The following PBXIP1 variants were observed in gnomAD, a reference collection of about 807,000 sequenced individuals.
PBXIP1 encodes the protein pre-B-cell leukemia transcription factor-interacting protein 1.
A neutral mutation model predicts 73.7 loss-of-function variants in PBXIP1; 73 were observed. The observed-to-expected ratio is 0.99, with a 90% CI of 0.82 to 1.20. The LOEUF (loss-of-function observed/expected upper bound fraction) is 1.20. Among genes scored for constraint, PBXIP1 ranks in the 50% most tolerant of loss-of-function variants. The pLI, the probability that PBXIP1 is intolerant of heterozygous loss-of-function variation, is 0.00. For missense variants in PBXIP1, 818 were observed against 911.4 expected, an observed-to-expected ratio of 0.90 and a Z score of 1.32; for synonymous variants, 330 against 366.9, an observed-to-expected ratio of 0.90 and a Z score of 1.15.
rs143183944 is a variant in PBXIP1, at chr1:154,948,279, T to G, written c.497A>C (p.Glu166Ala). 573 of 1,609,454 alleles carry G rather than the reference T, an allele frequency of 3.6e-4. 4 individuals are homozygous for G. The highest frequency in any genetic ancestry group is 1.1e-3 in the African/African-American group (80 of 74,960). The change falls in exon 6 of 11, where the codon GAG (glutamate) becomes GCG (alanine). Residue 166 changes from glutamate (E) to alanine (A), a missense_variant. By Grantham distance (107) the Glu-to-Ala change is moderately radical. Transcript: ENST00000368463. ...CACCATGGGCTGAGGTGGGCCGGCC[T>G]CCCGGCCCCGCCGTCTCCGCAGACC... ...MEGLRRRRGREAGPPQPMVPL... is the reference protein window; with the variant it reads ...MEGLRRRRGRAAGPPQPMVPL...
rs1432138544 is a variant in PBXIP1 at position 154,946,003 on chromosome 1, T to A, written c.1671A>T (p.Gln557His). Residue 557 changes from glutamine to histidine, a missense_variant, in exon 10 of 11, where the codon CAA becomes CAT. Transcript: ENST00000368463. ...SFHSSGEKQK[Q>H]PRWREGTKDS... ...CCTTAGTCCCTTCCCTCCACCGAGG[T>A]TGCTTCTGCTTTTCTCCAGAGGAGT... 1.2e-6 allele frequency: 2 copies of A among 1,613,964 alleles called. No homozygotes were observed. Among genetic ancestry groups the A allele is most frequent in the Admixed American group, 1.7e-5 (1 of 59,994 alleles).
Position 154,946,043 on chromosome 1 carries a change from T to C in PBXIP1, c.1631A>G (p.Lys544Arg). ...KRQGPKEPPR[K>R]SGSFHSSGEK... is the part of the protein sequence containing the mutation. ...TCCAGAGGAGTGGAAGCTACCACTTTTCCTTGGGGGTTCCTTCGGGCCCTG... is the reference window on the plus strand; with the variant it reads ...TCCAGAGGAGTGGAAGCTACCACTTCTCCTTGGGGGTTCCTTCGGGCCCTG... The change falls in exon 10 of 11, where the codon AAA becomes AGA. Residue 544 changes from lysine (K) to arginine (R), a missense_variant. By Grantham distance (26) the Lys-to-Arg change is conservative. Coordinates refer to ENST00000368463, the MANE Select transcript of PBXIP1 (RefSeq NM_020524.4). 1.2e-6 allele frequency: 2 copies of C among 1,614,158 alleles called. No homozygotes were observed. The highest frequency in any genetic ancestry group is 1.7e-6 in the Non-Finnish European group (2 of 1,180,014).
chr1:154,952,172 G>A (rs1012995193), intron 2 of PBXIP1, among the ~76,000 whole-genome samples: 1 of 152,136 alleles, frequency 6.6e-6, no homozygotes, highest in Non-Finnish European at 1.5e-5. Context: ...TCCAGAAGGT[G>A]AGCTAGAGCC....
In PBXIP1 at chr1:154,951,895, C is replaced by CG; in HGVS notation, c.77dup (p.Ala27GlyfsTer9). Reference sequence around the variant, plus strand: ...CAGATTCTGGGTCCATCCTGGATGCCGGGCCCAGTGTCTCCACTGGCAGGC... The same window carrying CG: ...CAGATTCTGGGTCCATCCTGGATGCCGGGGCCCAGTGTCTCCACTGGCAGGC... On this transcript the variant is annotated frameshift_variant, in exon 3 of 11. Transcript: ENST00000368463. LOFTEE classifies it high-confidence loss of function. The surrounding 1 kb of genome is among the most constrained non-coding windows in gnomAD (Gnocchi z 4.3). The CG allele has an allele frequency of 6.2e-7, 1 of 1,612,364 alleles. No individual in the cohort carries two copies. The highest frequency in any genetic ancestry group is 8.5e-7 in the Non-Finnish European group (1 of 1,179,532).
In PBXIP1 at chr1:154,951,701, G is replaced by A. The variant is rs1167835652; in HGVS notation, c.178+94C>T. 17 of 1,496,338 alleles carry A rather than the reference G, an allele frequency of 1.1e-5. No individual in the cohort carries two copies. The highest frequency in any genetic ancestry group is 3.5e-5 in the South Asian group (3 of 85,270). The allele number at this position is 1,496,338 out of a possible 1,614,324, so 92.7% of individuals were successfully genotyped here. On this transcript the variant is annotated intron_variant, in intron 3 of 10. Coordinates refer to ENST00000368463, the MANE Select transcript of PBXIP1 (RefSeq NM_020524.4). This position sits in a 1 kb window ranked among gnomAD's most constrained non-coding sequence, Gnocchi z 4.3. ...CTGAGATTAATGGAGGAACTAAAACGAACCAGCCTCCCTTTCTCTGAGGAA... is the reference window on the plus strand; with the variant it reads ...CTGAGATTAATGGAGGAACTAAAACAAACCAGCCTCCCTTTCTCTGAGGAA...
intron 6 of PBXIP1, 45 bp downstream of exon 6, chr1:154,948,088 G>A: frequency 6.4e-7 from 1 of 1,567,718 alleles, no homozygotes; most frequent in Non-Finnish European, 8.7e-7. Context: ...AGGAAGGCAG[G>A]CAGGCATGGA....
Position 154,951,415 on chromosome 1 carries a change from G to C in PBXIP1, c.244-18C>G. ...AGGGTGCCCTAATGCAGATGCAGCA[G>C]TGAGCAGCTGCTAGCCCTCCCCGCC... is the stretch of plus-strand genomic sequence containing the variant. On this transcript the variant is annotated intron_variant, in intron 4 of 10. Coordinates refer to ENST00000368463, the MANE Select transcript of PBXIP1 (RefSeq NM_020524.4). This position sits in a 1 kb window ranked among gnomAD's most constrained non-coding sequence, Gnocchi z 4.3. 1 of 1,614,062 alleles carries C rather than the reference G, an allele frequency of 6.2e-7. No homozygotes were observed. The highest frequency in any genetic ancestry group is 8.5e-7 in the Non-Finnish European group (1 of 1,179,960).
In PBXIP1 at chr1:154,948,271, G is replaced by A. The variant is rs1230918925; in HGVS notation, c.505C>T (p.Pro169Ser). 6 of 1,611,094 alleles carry A rather than the reference G, an allele frequency of 3.7e-6. No homozygotes were observed. Among genetic ancestry groups the A allele is most frequent in the Admixed American group, 3.4e-5 (2 of 59,510 alleles). ...LRRRRGREAG[P>S]PQPMVPLAVE... Reference sequence around the variant, plus strand: ...GCCAGGGGCACCATGGGCTGAGGTGGGCCGGCCTCCCGGCCCCGCCGTCTC... The same window carrying A: ...GCCAGGGGCACCATGGGCTGAGGTGAGCCGGCCTCCCGGCCCCGCCGTCTC... The change falls in exon 6 of 11, where the codon CCA becomes TCA. Residue 169 changes from proline (P) to serine (S), a missense_variant. By Grantham distance (74) the Pro-to-Ser change is moderately conservative. Transcript: ENST00000368463.
intron 7 of PBXIP1, 113 bp from the exon 8 acceptor site, chr1:154,947,825 G>GATAA: frequency 7.2e-7 from 1 of 1,393,692 alleles, no homozygotes; most frequent in South Asian, 1.2e-5. Context: ...CTGTGGCTGA[G>GATAA]CGGTTTGGTG....
chr1:154,946,570 CTCCCTGATGGCCTTGT>C lies in PBXIP1; in HGVS notation c.1088_1103del (p.Asp363GlyfsTer14). The C allele has an allele frequency of 6.2e-7, 1 of 1,612,918 alleles. No individual in the cohort carries two copies. The highest frequency in any genetic ancestry group is 8.5e-7 in the Non-Finnish European group (1 of 1,179,860). ...CTGGCTCCTGCTCCCTGGGGCCTTG[CTCCCTGATGGCCTTGT>C]CACCCTGTGGGCCTCTACCCCCACT... On this transcript the variant is annotated frameshift_variant, in exon 10 of 11. Transcript: ENST00000368463. LOFTEE classifies it high-confidence loss of function.
intron 5 of PBXIP1, chr1:154,950,348 A>C (rs1268808795): frequency 2.0e-5 from 3 of 152,246 alleles, no homozygotes; most frequent in Non-Finnish European, 4.4e-5. Flanking sequence ...TTTCCTTTAG[A>C]GACAGGGTCT....
Position 154,951,198 on chromosome 1 carries a change from GGA to G in PBXIP1, c.409+32_409+33del, listed in dbSNP as rs770523728. On this transcript the variant is annotated intron_variant, in intron 5 of 10. Coordinates refer to ENST00000368463, the MANE Select transcript of PBXIP1 (RefSeq NM_020524.4). The surrounding 1 kb of genome is among the most constrained non-coding windows in gnomAD (Gnocchi z 4.3). ...GATCCCTCTCCCATACCTTCTAGAAGGAGAGTGACAGGAGAGGCAAGGAAGAC... is the reference window on the plus strand; with the variant it reads ...GATCCCTCTCCCATACCTTCTAGAAGGAGTGACAGGAGAGGCAAGGAAGAC... 1 of 1,599,248 alleles carries G rather than the reference GGA, an allele frequency of 6.3e-7. No homozygotes were observed. The highest frequency in any genetic ancestry group is 8.6e-7 in the Non-Finnish European group (1 of 1,167,740).
In PBXIP1 at chr1:154,951,539, C is replaced by A. The variant is rs116114495; in HGVS notation, c.179-4G>T. The stretch of plus-strand genomic sequence containing the variant: ...CTTTCAGTCTGGAAGAGCGTCCCTG[C>A]GGTAGGAGAAAAGGCGCAGAAAAAC... On this transcript the variant is annotated splice_polypyrimidine_tract_variant and splice_region_variant and intron_variant, in intron 3 of 10. Coordinates refer to ENST00000368463, the MANE Select transcript of PBXIP1 (RefSeq NM_020524.4). The surrounding 1 kb of genome is among the most constrained non-coding windows in gnomAD (Gnocchi z 4.3). The A allele has an allele frequency of 3.1e-6, 5 of 1,612,560 alleles. No individual in the cohort carries two copies. The East Asian group carries it at 8.9e-5, about 29-fold the overall frequency.
chr1:154,951,864 C>G lies in PBXIP1; in HGVS notation c.109G>C (p.Ala37Pro). ...GAGGGGCTGTGAGGGGCCTGCAGGG[C>G]TCTCTCAGATTCTGGGTCCATCCTG... ...ASRMDPESER[A>P]LQAPHSPSKT... Residue 37 changes from alanine (A) to proline (P), a missense_variant, in exon 3 of 11, where the codon GCC becomes CCC. By Grantham distance (27) the Ala-to-Pro change is conservative. Coordinates refer to ENST00000368463, the MANE Select transcript of PBXIP1 (RefSeq NM_020524.4). This position sits in a 1 kb window ranked among gnomAD's most constrained non-coding sequence, Gnocchi z 4.3. 1.2e-6 allele frequency: 2 copies of G among 1,613,478 alleles called. No individual in the cohort carries two copies. Among genetic ancestry groups the G allele is most frequent in the Middle Eastern group, 1.7e-4 (1 of 6,056 alleles).
Position 154,945,975 on chromosome 1 carries a change from T to C in PBXIP1, c.1699A>G (p.Ser567Gly). The C allele has an allele frequency of 6.2e-7, 1 of 1,614,052 alleles. No homozygotes were observed. Among genetic ancestry groups the C allele is most frequent in the Non-Finnish European group, 8.5e-7 (1 of 1,179,910 alleles). ...QPRWREGTKD[S>G]HDPLPSWAEL... ...GCCCAGGATGGCAGGGGGTCATGGC[T>C]GTCCTTAGTCCCTTCCCTCCACCGA... Residue 567 changes from serine to glycine, a missense_variant, in exon 10 of 11, where the codon AGC becomes GGC. By Grantham distance (56) the Ser-to-Gly change is moderately conservative. Coordinates refer to ENST00000368463, the MANE Select transcript of PBXIP1 (RefSeq NM_020524.4).
At position 154,945,912 on chromosome 1, in the gene PBXIP1, A is replaced by G. The variant is rs1270032432; in HGVS notation, c.1762T>C (p.Cys588Arg). The G allele has an allele frequency of 1.2e-6, 2 of 1,614,098 alleles. No homozygotes were observed. The highest frequency in any genetic ancestry group is 1.7e-6 in the Non-Finnish European group (2 of 1,180,006). ...CGGGCACACTCGTCCACACCTGAGC[A>G]GCCCTGGGGTGCCCGGTACTTGGGC... ...LRPKYRAPQG[C>R]SGVDECARQE... The change falls in exon 10 of 11, where the codon TGC becomes CGC. Residue 588 changes from cysteine (C) to arginine (R), a missense_variant. Coordinates refer to ENST00000368463, the MANE Select transcript of PBXIP1 (RefSeq NM_020524.4).
chr1:154,945,916 C>T lies in PBXIP1; in HGVS notation c.1758G>A (p.Gln586=). 6.2e-7 allele frequency: 1 copy of T among 1,614,212 alleles called. No individual in the cohort carries two copies. The highest frequency in any genetic ancestry group is 1.1e-5 in the South Asian group (1 of 91,084). Reference sequence around the variant, plus strand: ...CACACTCGTCCACACCTGAGCAGCCCTGGGGTGCCCGGTACTTGGGCCTCA... The same window carrying T: ...CACACTCGTCCACACCTGAGCAGCCTTGGGGTGCCCGGTACTTGGGCCTCA... ...ELLRPKYRAP[Q]GCSGVDECAR... is the part of the protein sequence containing the mutation. The change falls in exon 10 of 11, where the codon CAG becomes CAA. Residue 586 remains glutamine (Q), a synonymous_variant. Transcript: ENST00000368463.
chr1:154,951,292 C>CG lies in PBXIP1; in HGVS notation c.348_349insC (p.Asp117ArgfsTer33), dbSNP rs1186534441. 1 of 1,614,160 alleles carries CG rather than the reference C, an allele frequency of 6.2e-7. No individual in the cohort carries two copies. The highest frequency in any genetic ancestry group is 1.7e-5 in the Admixed American group (1 of 60,030). On this transcript the variant is annotated frameshift_variant, in exon 5 of 11. Coordinates refer to ENST00000368463, the MANE Select transcript of PBXIP1 (RefSeq NM_020524.4). LOFTEE classifies it high-confidence loss of function. This position sits in a 1 kb window ranked among gnomAD's most constrained non-coding sequence, Gnocchi z 4.3. ...CTCTGGCCTTCCAGGTCCTGTGTGT[C>CG]TGGTCCCAGGCCTGTCACCACGGTG... is the stretch of plus-strand genomic sequence containing the variant.
chr1:154,951,624 G>C lies in PBXIP1; in HGVS notation c.179-89C>G. The C allele has an allele frequency of 6.9e-7, 1 of 1,458,780 alleles. No individual in the cohort carries two copies. The highest frequency in any genetic ancestry group is 9.6e-7 in the Non-Finnish European group (1 of 1,042,632). 90.4% of individuals were successfully genotyped at this position (1,458,780 alleles called of 1,614,324 possible). ...TGTCCATCCCACGGGCCCCTACCAG[G>C]TTGGAAGAGGCAGGAAAAAGCCAGG... On this transcript the variant is annotated intron_variant, in intron 3 of 10. Transcript: ENST00000368463. This position sits in a 1 kb window ranked among gnomAD's most constrained non-coding sequence, Gnocchi z 4.3.
Sources: gnomAD v4.1 joint callset for allele counts (sites outside exome capture counted in the v4.1 genomes callset) on GRCh38, gnomAD v4.1.1 for gene constraint, Gnocchi (gnomAD v3.1) non-coding constraint, MANE v1.5 for transcripts, NCBI Gene and HGNC (gene_info 2026-07-23, HGNC 2026-07-21) for gene names.